The following EYA1 variants were observed in gnomAD, a reference collection of about 807,000 sequenced individuals.
EYA1 encodes protein phosphatase EYA1.
EYA1 carries 16 observed loss-of-function variants against 82.0 expected under a neutral mutation model. The ratio of observed to expected loss-of-function variants is 0.20; its 90% CI spans 0.13 to 0.30. The LOEUF is 0.30. Ranked by LOEUF, EYA1 falls within the 10% of genes least tolerant of loss-of-function variation. The pLI, the probability that EYA1 is intolerant of heterozygous loss-of-function variation, is 1.00. For synonymous variants in EYA1, 261 were observed against 264.4 expected (o/e 0.99, Z 0.12); for missense variants, 633 against 730.7 (o/e 0.87, Z 1.54).
At chr8:71,310,965 G>T (rs1821272545) in intron 7 of EYA1, among the ~76,000 whole-genome samples, 1 of 152,016 alleles carries the variant, frequency 6.6e-6, no homozygotes, top group South Asian at 2.1e-4. Context: ...GTTTTCCACA[G>T]AGCTGAGGCT....
At chr8:71,274,124 A>C (rs1816857810) in intron 9 of EYA1, among the ~76,000 whole-genome samples, 1 of 152,204 alleles carries the variant, frequency 6.6e-6, no homozygotes, top group African/African-American at 2.4e-5. Context: ...GTAGAAAGTG[A>C]AAGTTTTAAA....
chr8:71,204,571 G>A (rs537024683), intron 17 of EYA1, among the ~76,000 whole-genome samples: 2 of 152,288 alleles, frequency 1.3e-5, no homozygotes, highest in East Asian at 3.9e-4. Flanking sequence ...TCCACATGAT[G>A]GAATACCGAT....
chr8:71,203,832 G>A (rs1013071452), intron 17 of EYA1, among the ~76,000 whole-genome samples: 6 of 152,124 alleles, frequency 3.9e-5, no homozygotes, highest in African/African-American at 1.4e-4. Context: ...AAATGGAGTG[G>A]GTGTAATAGA....
intron 3 of EYA1, among the ~76,000 whole-genome samples, chr8:71,342,422 A>C (rs1825244337): frequency 6.6e-6 from 1 of 151,942 alleles, no homozygotes; most frequent in South Asian, 2.1e-4. Context: ...CACCTATTCA[A>C]ATTCTACCCA....
chr8:71,356,313 T>C (rs559368645), intron 2 of EYA1, 149 bp downstream of exon 2: 1 of 622,560 alleles, frequency 1.6e-6, no homozygotes, highest in East Asian at 2.9e-5. Flanking sequence ...ACTTAAAATG[T>C]TTTACAAGCA....
intron 1 of EYA1, among the ~76,000 whole-genome samples, chr8:71,539,837 C>T (rs1246333187): frequency 6.6e-6 from 1 of 152,124 alleles, no homozygotes; most frequent in African/African-American, 2.4e-5. Flanking sequence ...CACATCCTAG[C>T]AAATAAACTA....
At chr8:71,387,738 G>A (rs1454016199) in intron 2 of EYA1, among the ~76,000 whole-genome samples, 1 of 151,968 alleles carries the variant, frequency 6.6e-6, no homozygotes, top group Non-Finnish European at 1.5e-5. Flanking sequence ...CTAAGTTTGA[G>A]GTACCCATGG....
chr8:71,220,600 T>C (rs767809041), intron 12 of EYA1, among the ~76,000 whole-genome samples: 11 of 152,234 alleles, frequency 7.2e-5, no homozygotes, highest in Non-Finnish European at 1.5e-4. Flanking sequence ...ATGCTAATGA[T>C]ACAGCGCTTA....
intron 12 of EYA1, among the ~76,000 whole-genome samples, chr8:71,234,490 T>C (rs1029789905): frequency 6.6e-6 from 1 of 152,172 alleles, no homozygotes; most frequent in African/African-American, 2.4e-5. Context: ...TAACAGTCGC[T>C]CACTTCTCTG....
intron 4 of EYA1, among the ~76,000 whole-genome samples, chr8:71,322,956 A>C (rs1487538298): frequency 3.9e-5 from 6 of 152,108 alleles, no homozygotes; most frequent in Non-Finnish European, 8.8e-5. Context: ...TTTTTTAAAG[A>C]GGTATTTAAG....
At chr8:71,230,511 T>C (rs768087496) in intron 12 of EYA1, among the ~76,000 whole-genome samples, 18 of 152,210 alleles carry the variant, frequency 1.2e-4, no homozygotes, top group Non-Finnish European at 2.2e-4. Context: ...CAGATTCTGT[T>C]GTCTCCCTTA....
chr8:71,272,146 G>A (rs1322831913), intron 9 of EYA1, among the ~76,000 whole-genome samples: 1 of 152,142 alleles, frequency 6.6e-6, no homozygotes, highest in Non-Finnish European at 1.5e-5. Context: ...GGTTGTACAA[G>A]GTTGCCTGCA....
chr8:71,510,042 TTA>T (rs1812479248), intron 2 of EYA1, among the ~76,000 whole-genome samples: 1 of 150,652 alleles, frequency 6.6e-6, no homozygotes, highest in South Asian at 2.1e-4. Context: ...ATATTATTTA[TTA>T]TTTTAATATA....
rs139504677 is a variant in EYA1, at chr8:71,377,747, C to T, written c.34-21236G>A. 1.6e-4 allele frequency among the ~76,000 whole-genome samples: 25 copies of T among 152,274 alleles called. 1 individual carries two copies. The East Asian group carries it at 4.8e-3, about 29-fold the overall frequency. On this transcript the variant is annotated intron_variant, in intron 2 of 18. Coordinates refer to the EYA1 transcript ENST00000643681. ...ATTAAATACTACCTCCCAATTTCTG[C>T]CTCTACCCAGCCCCTGGTAACTACC...
intron 7 of EYA1, among the ~76,000 whole-genome samples, chr8:71,307,797 T>C (rs1219747199): frequency 3.3e-5 from 5 of 152,202 alleles, no homozygotes; most frequent in African/African-American, 1.2e-4. Context: ...GTTAACCTTG[T>C]TAGTCCAGCT....
At chr8:71,533,971 TG>T (rs1814498827) in intron 2 of EYA1, among the ~76,000 whole-genome samples, 1 of 152,224 alleles carries the variant, frequency 6.6e-6, no homozygotes, top group Non-Finnish European at 1.5e-5. Context: ...TCTTTTATTA[TG>T]ATGGCCAAAA....
intron 12 of EYA1, among the ~76,000 whole-genome samples, chr8:71,234,148 T>C (rs1451635874): frequency 1.3e-5 from 2 of 152,250 alleles, no homozygotes; most frequent in Non-Finnish European, 2.9e-5. Flanking sequence ...CCGGATTTCA[T>C]TCTGTCTTGC....
chr8:71,250,415 C>T (rs77731479), intron 11 of EYA1, among the ~76,000 whole-genome samples: 7,329 of 152,218 alleles, frequency 0.048, 302 homozygotes, highest in African/African-American at 0.11. Flanking sequence ...TTCCCAGTTC[C>T]GCAGCTCCAC....
intron 16 of EYA1, 146 bp from the exon 17 acceptor site, chr8:71,211,402 T>C: frequency 4.5e-6 from 3 of 665,044 alleles, no homozygotes; most frequent in Non-Finnish European, 8.2e-6. Context: ...TTATGCCACT[T>C]GGGTTGTATG....
Sources: allele counts gnomAD v4.1 joint callset (sites outside exome capture counted in the v4.1 genomes callset), GRCh38; gene constraint gnomAD v4.1.1; transcripts MANE v1.5; gene names NCBI Gene and HGNC (gene_info 2026-07-23, HGNC 2026-07-21).